Variants in UHRF1 observed in about 807,000 individuals in gnomAD.
The protein encoded by UHRF1 is E3 ubiquitin-protein ligase UHRF1.
Under a neutral mutation model 96.5 loss-of-function variants are expected in UHRF1, and 9 were observed. That is an observed-to-expected ratio of 0.09 (90% CI 0.06 to 0.16). UHRF1 has a LOEUF of 0.16. UHRF1 is among the 10% of genes least tolerant of loss of function. The pLI is 1.00. For synonymous variants in UHRF1, 455 were observed against 469.9 expected (o/e 0.97, Z 0.41); for missense variants, 626 against 1,131.1 (o/e 0.55, Z 6.40).
chr19:4,944,857 G>A (rs1279215208), intron 9 of UHRF1, among the ~76,000 whole-genome samples: 1 of 152,212 alleles, frequency 6.6e-6, no homozygotes, highest in African/African-American at 2.4e-5. Context: ...TTTGGCACTA[G>A]TGACATTGGA....
rs1292489934 is a variant in UHRF1, at chr19:4,954,277, G to A, written c.1819-73G>A. 8.9e-6 allele frequency: 14 copies of A among 1,564,906 alleles called. No homozygotes were observed. The highest frequency in any genetic ancestry group is 1.2e-5 in the South Asian group (1 of 86,006). On this transcript the variant is annotated intron_variant, in intron 13 of 16. Transcript: ENST00000650932. The surrounding 1 kb of genome is among the most constrained non-coding windows in gnomAD (Gnocchi z 5.9). ...TCTGGAAACCCAGACCTGGCAAGGAGGCTGGAAGAGCGGGCTCTGCATAGC... is the reference window on the plus strand; with the variant it reads ...TCTGGAAACCCAGACCTGGCAAGGAAGCTGGAAGAGCGGGCTCTGCATAGC...
At chr19:4,932,977 C>T (rs771482256) in intron 5 of UHRF1, 21 bp downstream of exon 5, 6 of 1,579,756 alleles carry the variant, frequency 3.8e-6, no homozygotes, top group South Asian at 1.1e-5. Flanking sequence ...CGTCCTGGGG[C>T]GAGCCCTTCC....
intron 11 of UHRF1, among the ~76,000 whole-genome samples, chr19:4,948,716 T>C (rs2033637810): frequency 6.6e-6 from 1 of 151,702 alleles, no homozygotes; most frequent in South Asian, 2.1e-4. Flanking sequence ...GCAGAATTGC[T>C]TGAACCCAGG....
rs2033816395 is a variant in UHRF1, at chr19:4,954,891, C to T, written c.2130+69C>T. 8 of 1,567,810 alleles carry T rather than the reference C, an allele frequency of 5.1e-6. No individual in the cohort carries two copies. The highest frequency in any genetic ancestry group is 7.0e-6 in the Non-Finnish European group (8 of 1,150,506). ...GCGGTAAAATGTGTGGGGCTTGTTT[C>T]CCATGTTCCCCATTTTCAAGTGTAC... On this transcript the variant is annotated intron_variant, in intron 15 of 16. Coordinates refer to ENST00000650932, the MANE Select transcript of UHRF1 (RefSeq NM_001048201.3). The surrounding 1 kb of genome is among the most constrained non-coding windows in gnomAD (Gnocchi z 5.9).
chr19:4,950,479 G>A (rs2033686564), intron 11 of UHRF1, 132 bp from the exon 12 acceptor site: 1 of 947,000 alleles, frequency 1.1e-6, no homozygotes, highest in African/African-American at 1.7e-5. Flanking sequence ...CCTGACTTCA[G>A]GCGATCTGCC....
intron 16 of UHRF1, among the ~76,000 whole-genome samples, chr19:4,957,081 G>A (rs945973034): frequency 6.6e-6 from 1 of 152,174 alleles, no homozygotes; most frequent in Non-Finnish European, 1.5e-5. Context: ...GAGAGGAGGT[G>A]CACATCCCCT....
At chr19:4,905,108 CTTTTTTTTTTTTTTT>C (rs61443004), upstream of UHRF1, among the ~76,000 whole-genome samples, 1 of 95,192 alleles carries the variant, frequency 1.1e-5, no homozygotes, top group South Asian at 3.2e-4. Flanking sequence ...CGTAAACTTT[CTTTTTTTTTTTTTTT>C]TTTTTTTTTT....
Position 4,929,574 on chromosome 19 carries a change from C to T in UHRF1, c.408+98C>T. 5.4e-6 allele frequency: 8 copies of T among 1,490,000 alleles called. 1 individual carries two copies. The South Asian group carries it at 1.1e-4, about 20-fold the overall frequency. 92.3% of individuals were successfully genotyped at this position (1,490,000 alleles called of 1,614,324 possible). On this transcript the variant is annotated intron_variant, in intron 3 of 16. Transcript: ENST00000650932. ...CTCACAGGAGGGGCTTCCCACGCGC[C>T]TCTCTAGCTCTGGCTGGGCAGAAAT...
At chr19:4,948,898 C>G (rs970063182) in intron 11 of UHRF1, among the ~76,000 whole-genome samples, 1 of 142,124 alleles carries the variant, frequency 7.0e-6, no homozygotes. Context: ...CTGAGGTGGG[C>G]GGATCACGAT....
At chr19:4,919,968 C>T (rs577646561) in intron 2 of UHRF1, among the ~76,000 whole-genome samples, 2 of 152,020 alleles carry the variant, frequency 1.3e-5, no homozygotes, top group Non-Finnish European at 2.9e-5. Context: ...CAGGCACCCA[C>T]CACCACGCCT....
intron 2 of UHRF1, among the ~76,000 whole-genome samples, chr19:4,918,236 C>A (rs2146301859): frequency 1.3e-5 from 2 of 152,162 alleles, no homozygotes; most frequent in South Asian, 4.1e-4. Context: ...TCTCCTGCCT[C>A]AGCCTCCCAA....
chr19:4,933,401 A>G (rs939191202), intron 5 of UHRF1, among the ~76,000 whole-genome samples: 2 of 152,054 alleles, frequency 1.3e-5, no homozygotes, highest in African/African-American at 2.4e-5. Context: ...TATTTTTAGT[A>G]GAGACGGGGT....
chr19:4,904,179 GT>G (rs1332151693), intron 1 of UHRF1, among the ~76,000 whole-genome samples: 2 of 149,506 alleles, frequency 1.3e-5, no homozygotes, highest in East Asian at 3.9e-4. Context: ...TTTTGTTTTT[GT>G]TTTTGTTTTT....
At chr19:4,904,381 A>G (rs1029606782) in intron 1 of UHRF1, among the ~76,000 whole-genome samples, 9 of 152,004 alleles carry the variant, frequency 5.9e-5, no homozygotes, top group East Asian at 3.9e-4. Context: ...GGGTTTCATC[A>G]TGTTAGCCAG....
chr19:4,921,097 C>T (rs1210088630), intron 2 of UHRF1, among the ~76,000 whole-genome samples: 3 of 150,526 alleles, frequency 2.0e-5, no homozygotes, highest in Non-Finnish European at 4.4e-5. Flanking sequence ...GCACTCCAGC[C>T]TGGTGACAGA....
chr19:4,919,821 AT>A, intron 2 of UHRF1, among the ~76,000 whole-genome samples: 1 of 147,986 alleles, frequency 6.8e-6, no homozygotes, highest in African/African-American at 2.6e-5. Flanking sequence ...ATTATTGTTA[AT>A]ATTTTTTTTT....
chr19:4,943,418 G>T (rs1389821767), intron 7 of UHRF1, among the ~76,000 whole-genome samples: 1 of 151,706 alleles, frequency 6.6e-6, no homozygotes, highest in African/African-American at 2.4e-5. Flanking sequence ...TGGGGAGGTT[G>T]TGATGTGCTA....
chr19:4,932,234 A>G (rs1311632053), intron 4 of UHRF1, among the ~76,000 whole-genome samples: 1 of 150,840 alleles, frequency 6.6e-6, no homozygotes, highest in African/African-American at 2.4e-5. Flanking sequence ...TGCCTGGCTA[A>G]TTTTTGTATT....
chr19:4,914,779 G>C (rs918362395), intron 2 of UHRF1, among the ~76,000 whole-genome samples: 2 of 151,754 alleles, frequency 1.3e-5, no homozygotes, highest in Admixed American at 1.3e-4. Flanking sequence ...CCCGCGACTC[G>C]CCAGCTCCCA....
Sources: allele counts gnomAD v4.1 joint callset (sites outside exome capture counted in the v4.1 genomes callset), GRCh38; gene constraint gnomAD v4.1.1; non-coding constraint Gnocchi (gnomAD v3.1); transcripts MANE v1.5; gene names NCBI Gene and HGNC (gene_info 2026-07-23, HGNC 2026-07-21).